The following SMIM13 variants were observed in gnomAD, a reference collection of about 807,000 sequenced individuals.
The protein encoded by SMIM13 is small integral membrane protein 13.
In SMIM13, 3 loss-of-function variants were observed where a neutral mutation model predicts 5.9. That is an observed-to-expected ratio of 0.51 (90% CI 0.23 to 1.31). The LOEUF is 1.31. Among genes scored for constraint, SMIM13 ranks in the 40% most tolerant of loss-of-function variants. The pLI, the probability that SMIM13 is intolerant of heterozygous loss-of-function variation, is 0.18. For synonymous variants in SMIM13, 55 were observed against 46.0 expected (o/e 1.19, Z -0.79); for missense variants, 85 against 109.9 (o/e 0.77, Z 1.01).
intron 1 of SMIM13, among the ~76,000 whole-genome samples, chr6:11,128,482 G>C (rs1188898615): frequency 6.6e-6 from 1 of 152,178 alleles, no homozygotes; most frequent in Non-Finnish European, 1.5e-5. Context: ...TGTACTGCTT[G>C]TAGTTGAGGA....
intron 1 of SMIM13, among the ~76,000 whole-genome samples, chr6:11,095,378 T>A (rs1757910861): frequency 6.6e-6 from 1 of 152,232 alleles, no homozygotes; most frequent in Non-Finnish European, 1.5e-5. Flanking sequence ...CTCGCTCTTG[T>A]TGCCCAGGCA....
At position 11,134,512 on chromosome 6, in the gene SMIM13, T is replaced by C. The variant is rs1758491921; in HGVS notation, c.186T>C (p.Thr62=). The C allele has an allele frequency of 6.4e-7, 1 of 1,551,196 alleles. No homozygotes were observed. Among genetic ancestry groups the C allele is most frequent in the Non-Finnish European group, 8.7e-7 (1 of 1,146,668 alleles). The change falls in exon 2 of 2, where the codon ACT becomes ACC. Residue 62 remains threonine (T), a synonymous_variant. Transcript: ENST00000416247. ...EGDHEPSGSE[T]EEDTSSSPHR... is the part of the protein sequence containing the mutation. Reference sequence around the variant, plus strand: ...ATCATGAGCCTTCAGGGTCTGAAACTGAAGAAGACACTTCCTCCTCTCCAC... The same window carrying C: ...ATCATGAGCCTTCAGGGTCTGAAACCGAAGAAGACACTTCCTCCTCTCCAC...
At chr6:11,111,058 C>T (rs1256078329) in intron 1 of SMIM13, among the ~76,000 whole-genome samples, 1 of 152,140 alleles carries the variant, frequency 6.6e-6, no homozygotes, top group East Asian at 1.9e-4. Flanking sequence ...AGCCAACAGA[C>T]AGGGAAAGGG....
intron 1 of SMIM13, among the ~76,000 whole-genome samples, chr6:11,097,955 C>A (rs747395827): frequency 1.3e-5 from 2 of 152,112 alleles, no homozygotes; most frequent in Admixed American, 1.3e-4. Flanking sequence ...GCCGCCCCCC[C>A]ACCCAATTTC....
At chr6:11,134,249 C>T (rs554006653) in intron 1 of SMIM13, among the ~76,000 whole-genome samples, 154 bp from the exon 2 acceptor site, 1 of 152,148 alleles carries the variant, frequency 6.6e-6, no homozygotes. Context: ...ATCCTCATTC[C>T]TTGTACAAAA....
At chr6:11,117,636 T>C (rs572345403) in intron 1 of SMIM13, among the ~76,000 whole-genome samples, 10 of 152,338 alleles carry the variant, frequency 6.6e-5, no homozygotes, top group Non-Finnish European at 1.0e-4. Flanking sequence ...TATTTCGTTA[T>C]CAGTTTCTAA....
intron 1 of SMIM13, chr6:11,104,337 T>A (rs1292065514): frequency 6.4e-7 from 1 of 1,551,700 alleles, no homozygotes; most frequent in South Asian, 1.2e-5. Flanking sequence ...TATGAAGATG[T>A]CTGGGGTTAC....
intron 1 of SMIM13, among the ~76,000 whole-genome samples, chr6:11,100,569 T>A (rs953140291): frequency 1.3e-5 from 2 of 152,250 alleles, no homozygotes; most frequent in African/African-American, 4.8e-5. Flanking sequence ...CTGGATCTCA[T>A]GTCATTATCT....
At chr6:11,105,518 G>A (rs1288472599) in intron 1 of SMIM13, 2 of 545,024 alleles carry the variant, frequency 3.7e-6, no homozygotes, top group Non-Finnish European at 6.7e-6. Flanking sequence ...CCAGTGCCTT[G>A]CAAGTGTATT....
chr6:11,098,253 A>G (rs975812118), intron 1 of SMIM13, among the ~76,000 whole-genome samples: 1 of 152,014 alleles, frequency 6.6e-6, no homozygotes, highest in African/African-American at 2.4e-5. Context: ...CTCACCTCTC[A>G]TTCATTCCAA....
At chr6:11,133,498 C>A (rs539313621) in intron 1 of SMIM13, among the ~76,000 whole-genome samples, 141 of 152,212 alleles carry the variant, frequency 9.3e-4, no homozygotes, top group African/African-American at 3.2e-3. Flanking sequence ...ACAAAATATG[C>A]TGTGTTTCAT....
At chr6:11,123,835 T>A (rs995342062) in intron 1 of SMIM13, among the ~76,000 whole-genome samples, 8 of 152,210 alleles carry the variant, frequency 5.3e-5, no homozygotes, top group African/African-American at 1.9e-4. Context: ...ATCTTCTAGC[T>A]ATTTTGAAAT....
At chr6:11,121,011 T>G (rs1758300962) in intron 1 of SMIM13, among the ~76,000 whole-genome samples, 1 of 152,222 alleles carries the variant, frequency 6.6e-6, no homozygotes, top group Non-Finnish European at 1.5e-5. Flanking sequence ...CAATTTACAG[T>G]GTGTTTCATG....
intron 1 of SMIM13, among the ~76,000 whole-genome samples, chr6:11,114,541 A>AT (rs70991085): frequency 0.44 from 47,140 of 106,384 alleles, 9,197 homozygotes; most frequent in African/African-American, 0.55. Flanking sequence ...TGGATATTGG[A>AT]TTTTTTTTTT....
intron 1 of SMIM13, among the ~76,000 whole-genome samples, chr6:11,118,182 T>G (rs1489987557): frequency 1.3e-5 from 2 of 150,186 alleles, no homozygotes; most frequent in Admixed American, 6.6e-5. Flanking sequence ...GTATATGGTT[T>G]GCCTTTGTGA....
At chr6:11,107,140 C>T (rs905078352) in intron 1 of SMIM13, among the ~76,000 whole-genome samples, 10 of 152,214 alleles carry the variant, frequency 6.6e-5, no homozygotes, top group Non-Finnish European at 1.3e-4. Context: ...TGTGGATTAT[C>T]TAGGAGCTGA....
chr6:11,120,234 G>C (rs561725037), intron 1 of SMIM13, among the ~76,000 whole-genome samples: 164 of 152,286 alleles, frequency 1.1e-3, no homozygotes, highest in Non-Finnish European at 1.9e-3. Context: ...AAAATACCTT[G>C]GGTAGTGTGT....
intron 1 of SMIM13, among the ~76,000 whole-genome samples, chr6:11,101,032 C>CTTTTTTTTTTT (rs200622017): frequency 1.6e-5 from 2 of 127,506 alleles, no homozygotes; most frequent in Admixed American, 7.8e-5. Context: ...TCTCCATTTT[C>CTTTTTTTTTTT]TTTTTTTTTT....
At chr6:11,125,379 T>G (rs1276348551) in intron 1 of SMIM13, among the ~76,000 whole-genome samples, 1 of 150,680 alleles carries the variant, frequency 6.6e-6, no homozygotes, top group East Asian at 1.9e-4. Flanking sequence ...GTGGATCCCT[T>G]GAAATCAGGA....
Sources: allele counts gnomAD v4.1 joint callset (sites outside exome capture counted in the v4.1 genomes callset), GRCh38; gene constraint gnomAD v4.1.1; transcripts MANE v1.5; gene names NCBI Gene and HGNC (gene_info 2026-07-23, HGNC 2026-07-21).